Variants in EPPK1 observed in about 807,000 individuals in gnomAD.
EPPK1 encodes epiplakin.
For synonymous variants in EPPK1, 1,862 were observed against 1,721.2 expected (o/e 1.08, Z -2.03); for missense variants, 3,823 against 3,673.3 (o/e 1.04, Z -1.05).
Position 143,871,999 on chromosome 8 carries a change from G to T in EPPK1, c.1255C>A (p.Leu419Met). 6.3e-7 allele frequency: 1 copy of T among 1,581,066 alleles called. No homozygotes were observed. The highest frequency in any genetic ancestry group is 1.1e-5 in the South Asian group (1 of 88,226). ...RRLRLPLEAA[L>M]RCGCLDEDTQ... ...TCTTCATCCAGGCAGCCGCAGCGCA[G>T]GGCGGCCTCCAGGGGCAGCCGGAGC... The change falls in exon 2 of 2, where the codon CTG (leucine) becomes ATG (methionine). Residue 419 changes from leucine to methionine, a missense_variant. Coordinates refer to ENST00000615648, the MANE Select transcript of EPPK1 (RefSeq NM_031308.4).
In EPPK1 at chr8:143,863,976, AACTC is replaced by A. The variant is rs1324473888; in HGVS notation, c.9274_9277del (p.Glu3092LeufsTer11). The A allele has an allele frequency of 4.1e-5, 7 of 169,882 alleles. 1 individual carries two copies. The highest frequency in any genetic ancestry group is 2.5e-4 in the African/African-American group (7 of 28,208). 10.5% of individuals were successfully genotyped at this position (169,882 alleles called of 1,614,324 possible). A position where few individuals can be genotyped will look rare whatever the true frequency, so the allele number is the denominator to read the frequency against. On this transcript the variant is annotated frameshift_variant, in exon 2 of 2. Transcript: ENST00000615648. LOFTEE classifies it low-confidence loss of function (END_TRUNC). ...GGGCAAGTCCAGGGTCCCCGAGCCA[AACTC>A]GGCCAGCAGCTCCTCCCGGGCGGCC...
rs782254741 is a variant in EPPK1 at position 143,870,583 on chromosome 8, G to C, written c.2671C>G (p.Gln891Glu). The C allele has an allele frequency of 7.5e-6, 12 of 1,610,204 alleles. No homozygotes were observed. The East Asian group carries it at 2.7e-4, about 36-fold the overall frequency. ...PALRSRVTVH[Q>E]LLEAGIIDQQ... ...TCAATGATACCGGCCTCCAGGAGCTGGTGGACGGTGACCCGGCTCCGCAGT... is the reference window on the plus strand; with the variant it reads ...TCAATGATACCGGCCTCCAGGAGCTCGTGGACGGTGACCCGGCTCCGCAGT... Residue 891 changes from glutamine (Q) to glutamate (E), a missense_variant, in exon 2 of 2, where the codon CAG becomes GAG. Coordinates refer to ENST00000615648, the MANE Select transcript of EPPK1 (RefSeq NM_031308.4). The surrounding 1 kb of genome is among the most constrained non-coding windows in gnomAD (Gnocchi z 5.2).
chr8:143,869,156 C>G lies in EPPK1; in HGVS notation c.4098G>C (p.Val1366=). Residue 1366 remains valine, a synonymous_variant, in exon 2 of 2, where the codon GTG becomes GTC. Transcript: ENST00000615648. ...GCAGGTGCACCCCGTGGACAGGGTC[C>G]ACCACACCCCCTGTGGCCAGCTGCA... ...LQVQLATGGV[V]DPVHGVHLPQ... is the part of the protein sequence containing the mutation. 6.2e-7 allele frequency: 1 copy of G among 1,607,242 alleles called. No homozygotes were observed. The highest frequency in any genetic ancestry group is 8.5e-7 in the Non-Finnish European group (1 of 1,179,534).
Position 143,866,269 on chromosome 8 carries a change from G to A in EPPK1, c.6985C>T (p.Leu2329Phe), listed in dbSNP as rs1819101554. 23 of 491,932 alleles carry A rather than the reference G, an allele frequency of 4.7e-5. No homozygotes were observed. The highest frequency in any genetic ancestry group is 6.4e-5 in the Non-Finnish European group (19 of 296,810). 30.5% of individuals were successfully genotyped at this position (491,932 alleles called of 1,614,324 possible). ...ISLFQAMQKDLIVREHGIRLL... is the reference protein window; with the variant it reads ...ISLFQAMQKDFIVREHGIRLL... ...CGGATGCCGTGCTCCCGGACGATGA[G>A]GTCCTTCTGCATGGCCTGGAAGAGG... Residue 2329 changes from leucine (L) to phenylalanine (F), a missense_variant, in exon 2 of 2, where the codon CTC becomes TTC. Physicochemically the swap from Leu to Phe is conservative, Grantham distance 22. Coordinates refer to ENST00000615648, the MANE Select transcript of EPPK1 (RefSeq NM_031308.4).
chr8:143,857,837 A>T lies in EPPK1; in HGVS notation c.*150T>A. On this transcript the variant is annotated 3_prime_UTR_variant, in exon 2 of 2. Coordinates refer to ENST00000615648, the MANE Select transcript of EPPK1 (RefSeq NM_031308.4). Reference sequence around the variant, plus strand: ...ACAAAGGAAAAGTTTCTGTCACATGACAACTTAAAACGTTTTCCACAGATA... The same window carrying T: ...ACAAAGGAAAAGTTTCTGTCACATGTCAACTTAAAACGTTTTCCACAGATA... 1 of 613,926 alleles carries T rather than the reference A, an allele frequency of 1.6e-6. No homozygotes were observed. The highest frequency in any genetic ancestry group is 2.6e-6 in the Non-Finnish European group (1 of 385,082). The allele number at this position is 613,926 out of a possible 1,614,324, so 38.0% of individuals were successfully genotyped here. A position where few individuals can be genotyped will look rare whatever the true frequency, so the allele number is the denominator to read the frequency against.
At chr8:143,876,609 C>T (rs1289696376) in intron 1 of EPPK1, among the ~76,000 whole-genome samples, 3 of 152,238 alleles carry the variant, frequency 2.0e-5, no homozygotes, top group Non-Finnish European at 4.4e-5. Flanking sequence ...TTCTGGGAAC[C>T]CAGCCTGGGC....
chr8:143,867,832 C>A lies in EPPK1; in HGVS notation c.5422G>T (p.Asp1808Tyr). The A allele has an allele frequency of 1.2e-6, 2 of 1,613,526 alleles. No individual in the cohort carries two copies. The highest frequency in any genetic ancestry group is 1.7e-6 in the Non-Finnish European group (2 of 1,179,826). ...DLLSSPYFTE[D>Y]RKRELIQEYG... ...TCCTGGATGAGCTCCCGCTTCCTGTCCTCTGTGAAGTATGGAGAGGACAGC... is the reference window on the plus strand; with the variant it reads ...TCCTGGATGAGCTCCCGCTTCCTGTACTCTGTGAAGTATGGAGAGGACAGC... The change falls in exon 2 of 2, where the codon GAC (aspartate) becomes TAC (tyrosine). Residue 1808 changes from aspartate (D) to tyrosine (Y), a missense_variant. By Grantham distance (160) the Asp-to-Tyr change is radical (BLOSUM62 -3). Transcript: ENST00000615648.
Position 143,857,807 on chromosome 8 carries a change from G to A in EPPK1, c.*180C>T, listed in dbSNP as rs1818922658. 2 of 525,426 alleles carry A rather than the reference G, an allele frequency of 3.8e-6. No individual in the cohort carries two copies. The highest frequency in any genetic ancestry group is 2.0e-5 in the African/African-American group (1 of 49,742). 32.5% of individuals were successfully genotyped at this position (525,426 alleles called of 1,614,324 possible). On this transcript the variant is annotated 3_prime_UTR_variant, in exon 2 of 2. Transcript: ENST00000615648. ...CACCAAAAAACTTATGAAACACCTCGATGGACAAAGGAAAAGTTTCTGTCA... is the reference window on the plus strand; with the variant it reads ...CACCAAAAAACTTATGAAACACCTCAATGGACAAAGGAAAAGTTTCTGTCA...
chr8:143,877,075 C>T lies in EPPK1; in HGVS notation c.-46+1363G>A, dbSNP rs571606119. Among the ~76,000 whole-genome samples the T allele has an allele frequency of 3.9e-5, 6 of 152,390 alleles. No homozygotes were observed. The South Asian group carries it at 6.2e-4, about 16-fold the overall frequency. The stretch of plus-strand genomic sequence containing the variant: ...GACAGGGCGCTTGGGAGCAGGGAGT[C>T]GGGGGCAGGCTTGCCCTGCGTGTGT... On this transcript the variant is annotated intron_variant, in intron 1 of 1. Transcript: ENST00000615648.
chr8:143,868,652 G>T lies in EPPK1; in HGVS notation c.4602C>A (p.Phe1534Leu). Residue 1534 changes from phenylalanine to leucine, a missense_variant, in exon 2 of 2, where the codon TTC becomes TTA. Physicochemically the swap from Phe to Leu is conservative, Grantham distance 22 (BLOSUM62 0). Transcript: ENST00000615648. ...LRKQVSARDL[F>L]RAQLISRKTL... ...TCTTCCTGCTGATCAGCTGCGCCCT[G>T]AACAGGTCCCTGGCTGACACCTGCT... The T allele has an allele frequency of 6.3e-7, 1 of 1,588,706 alleles. No homozygotes were observed. The highest frequency in any genetic ancestry group is 8.6e-7 in the Non-Finnish European group (1 of 1,168,658).
chr8:143,872,821 C>A lies in EPPK1; in HGVS notation c.433G>T (p.Ala145Ser). 6.4e-7 allele frequency: 1 copy of A among 1,564,630 alleles called. No homozygotes were observed. Among genetic ancestry groups the A allele is most frequent in the South Asian group, 1.2e-5 (1 of 83,274 alleles). ...QAIGKEVVDR[A>S]LGQSWLEVQL... Reference sequence around the variant, plus strand: ...ACCTCCAGCCAGCTCTGCCCCAGGGCCCTGTCCACAACCTCCTTCCCGATG... The same window carrying A: ...ACCTCCAGCCAGCTCTGCCCCAGGGACCTGTCCACAACCTCCTTCCCGATG... Residue 145 changes from alanine to serine, a missense_variant, in exon 2 of 2, where the codon GCC becomes TCC. Transcript: ENST00000615648.
Position 143,870,958 on chromosome 8 carries a change from C to T in EPPK1, c.2296G>A (p.Gly766Ser), listed in dbSNP as rs1205274071. The T allele has an allele frequency of 1.9e-6, 3 of 1,613,340 alleles. No homozygotes were observed. The highest frequency in any genetic ancestry group is 2.2e-5 in the East Asian group (1 of 44,898). The change falls in exon 2 of 2, where the codon GGC becomes AGC. Residue 766 changes from glycine to serine, a missense_variant. By Grantham distance (56) the Gly-to-Ser change is moderately conservative. Transcript: ENST00000615648. The surrounding 1 kb of genome is among the most constrained non-coding windows in gnomAD (Gnocchi z 5.2). ...ILLDPSDDTK[G>S]FFDPNTHENL... ...TCGTGCGTGTTGGGGTCGAAGAAGC[C>T]CTTGGTGTCGTCAGAAGGGTCCAAC...
Position 143,872,205 on chromosome 8 carries a change from G to C in EPPK1, c.1049C>G (p.Pro350Arg). 1 of 1,606,864 alleles carries C rather than the reference G, an allele frequency of 6.2e-7. No individual in the cohort carries two copies. The highest frequency in any genetic ancestry group is 1.7e-5 in the Admixed American group (1 of 59,432). ...DEAVRAGLVS[P>R]ELHEQLLVAE... ...CACCAGGAGCTGCTCATGGAGCTCT[G>C]GGCTGACCAGGCCCGCCCTGACTGC... The change falls in exon 2 of 2, where the codon CCA becomes CGA. Residue 350 changes from proline to arginine, a missense_variant. By Grantham distance (103) the Pro-to-Arg change is moderately radical. Coordinates refer to ENST00000615648, the MANE Select transcript of EPPK1 (RefSeq NM_031308.4).
chr8:143,866,119 G>A lies in EPPK1; in HGVS notation c.7135C>T (p.Pro2379Ser). The change falls in exon 2 of 2, where the codon CCC becomes TCC. Residue 2379 changes from proline to serine, a missense_variant. By Grantham distance (74) the Pro-to-Ser change is moderately conservative. Transcript: ENST00000615648. ...DEEMNRVLAD[P>S]SDDTKGFFDP... The stretch of plus-strand genomic sequence containing the variant: ...AAGAAGCCCTTGGTGTCGTCGCTGG[G>A]GTCGGCCAGGACACGGTTCATCTCC... 4 of 327,376 alleles carry A rather than the reference G, an allele frequency of 1.2e-5. No individual in the cohort carries two copies. Among genetic ancestry groups the A allele is most frequent in the Non-Finnish European group, 1.5e-5 (3 of 195,002 alleles). The allele number at this position is 327,376 out of a possible 1,614,324, so 20.3% of individuals were successfully genotyped here.
chr8:143,871,763 G>GGTGGCT lies in EPPK1; in HGVS notation c.1485_1490dup (p.Ala496_Thr497dup). 6.2e-7 allele frequency: 1 copy of GGTGGCT among 1,610,734 alleles called. No homozygotes were observed. The highest frequency in any genetic ancestry group is 1.1e-5 in the South Asian group (1 of 90,966). ...GGCCCCGGAACTTCCCCACAGAGAC[G>GGTGGCT]GTGGCTGTGGCCGTGCTCAGGGCCT... On this transcript the variant is annotated inframe_insertion, in exon 2 of 2. Coordinates refer to ENST00000615648, the MANE Select transcript of EPPK1 (RefSeq NM_031308.4).
Position 143,869,166 on chromosome 8 carries a change from C to G in EPPK1, c.4088G>C (p.Gly1363Ala). Residue 1363 changes from glycine (G) to alanine (A), a missense_variant, in exon 2 of 2, where the codon GGG (glycine) becomes GCG (alanine). By Grantham distance (60) the Gly-to-Ala change is moderately conservative. Coordinates refer to ENST00000615648, the MANE Select transcript of EPPK1 (RefSeq NM_031308.4). ...CCCGTGGACAGGGTCCACCACACCC[C>G]CTGTGGCCAGCTGCACCTGCAGGAG... ...LPLLQVQLAT[G>A]GVVDPVHGVH... The G allele has an allele frequency of 6.2e-7, 1 of 1,607,854 alleles. No homozygotes were observed. Among genetic ancestry groups the G allele is most frequent in the Non-Finnish European group, 8.5e-7 (1 of 1,179,548 alleles).
chr8:143,874,909 C>A (rs35100730), intron 1 of EPPK1, among the ~76,000 whole-genome samples: 1 of 152,030 alleles, frequency 6.6e-6, no homozygotes, highest in Middle Eastern at 3.2e-3. Context: ...AGGCAGCCAC[C>A]ACCCCCGGCT....
At position 143,869,580 on chromosome 8, in the gene EPPK1, C is replaced by T. The variant is rs1554660411; in HGVS notation, c.3674G>A (p.Gly1225Asp). ...GGCGACCTGGGCGGGCGACTGCGTG[C>T]CCTGAGCCAGGGCCTCAAGGGTCTC... The part of the protein sequence containing the change: ...TQETLEALAQ[G>D]TQSPAQVAEQ... The change falls in exon 2 of 2, where the codon GGC (glycine) becomes GAC (aspartate). Residue 1225 changes from glycine (G) to aspartate (D), a missense_variant. Transcript: ENST00000615648. The T allele has an allele frequency of 5.1e-6, 8 of 1,562,900 alleles. No homozygotes were observed. Among genetic ancestry groups the T allele is most frequent in the Non-Finnish European group, 6.1e-6 (7 of 1,154,846 alleles).
Position 143,872,361 on chromosome 8 carries a change from T to C in EPPK1, c.893A>G (p.Lys298Arg), listed in dbSNP as rs1554661538. Residue 298 changes from lysine to arginine, a missense_variant, in exon 2 of 2, where the codon AAG (lysine) becomes AGG (arginine). Transcript: ENST00000615648. ...GGTGGCAGCCTGGAAAAAGCTCTTCTTGTGGCCTTCGGGCAGCAGGACAAC... is the reference window on the plus strand; with the variant it reads ...GGTGGCAGCCTGGAAAAAGCTCTTCCTGTGGCCTTCGGGCAGCAGGACAAC... ...AGVVLLPEGH[K>R]KSFFQAATEH... 1.2e-6 allele frequency: 2 copies of C among 1,605,528 alleles called. No homozygotes were observed. Among genetic ancestry groups the C allele is most frequent in the Non-Finnish European group, 8.5e-7 (1 of 1,178,694 alleles).
Sources: gnomAD v4.1 joint callset for allele counts (sites outside exome capture counted in the v4.1 genomes callset) on GRCh38, gnomAD v4.1.1 for gene constraint, Gnocchi (gnomAD v3.1) non-coding constraint, MANE v1.5 for transcripts, NCBI Gene and HGNC (gene_info 2026-07-23, HGNC 2026-07-21) for gene names.